The following JMJD1C variants were observed in gnomAD, a reference collection of about 807,000 sequenced individuals.
The protein encoded by JMJD1C is jumonji domain containing 1C.
JMJD1C carries 31 observed loss-of-function variants against 245.3 expected under a neutral mutation model. That is an observed-to-expected ratio of 0.13 (90% CI 0.09 to 0.17). JMJD1C has a LOEUF of 0.17. Ranked by LOEUF, JMJD1C falls within the 10% of genes least tolerant of loss-of-function variation. The pLI is 1.00. For missense variants in JMJD1C, 2,691 were observed against 3,000.2 expected (o/e 0.90, Z 2.41); for synonymous variants, 1,057 against 1,017.4 (o/e 1.04, Z -0.74).
chr10:63,428,071 A>G, intron 1 of JMJD1C: 1 of 539,474 alleles, frequency 1.9e-6, no homozygotes, highest in Non-Finnish European at 3.3e-6. Context: ...ACACACATAT[A>G]TATATATTAA....
chr10:63,498,558 G>A (rs746144278), intron 1 of JMJD1C, among the ~76,000 whole-genome samples: 2 of 151,926 alleles, frequency 1.3e-5, no homozygotes, highest in Non-Finnish European at 2.9e-5. Flanking sequence ...ATATAGCAAG[G>A]CCCTCAGGAG....
At chr10:63,315,008 C>T (rs1939775481) in intron 2 of JMJD1C, among the ~76,000 whole-genome samples, 1 of 143,326 alleles carries the variant, frequency 7.0e-6, no homozygotes, top group African/African-American at 2.6e-5. Flanking sequence ...GGCTGGAGTG[C>T]AGCAGCACGA....
intron 2 of JMJD1C, among the ~76,000 whole-genome samples, chr10:63,377,684 G>A (rs1180471034): frequency 1.3e-5 from 2 of 151,946 alleles, no homozygotes; most frequent in East Asian, 1.9e-4. Flanking sequence ...GCAGTGAGAC[G>A]AGATTGCACC....
chr10:63,275,260 G>A (rs1316199600), intron 2 of JMJD1C, among the ~76,000 whole-genome samples: 1 of 152,124 alleles, frequency 6.6e-6, no homozygotes, highest in African/African-American at 2.4e-5. Context: ...TTATTTTCAT[G>A]CTGGTTGGCA....
chr10:63,507,656 A>AAAAAAAAAAAAAAAAAAAAAAC (rs1954762909), intron 1 of JMJD1C, among the ~76,000 whole-genome samples: 1 of 150,240 alleles, frequency 6.7e-6, no homozygotes, highest in African/African-American at 2.5e-5. Context: ...AAAAAAAAAA[A>AAAAAAAAAAAAAAAAAAAAAAC]AAAAAAACAG....
chr10:63,182,263 G>C (rs1022316953), intron 22 of JMJD1C, among the ~76,000 whole-genome samples: 1 of 152,166 alleles, frequency 6.6e-6, no homozygotes, highest in Admixed American at 6.5e-5. Context: ...AACTCCATAA[G>C]GTGTCAGAAT....
At chr10:63,443,005 A>G (rs1190199882) in intron 1 of JMJD1C, among the ~76,000 whole-genome samples, 5 of 152,200 alleles carry the variant, frequency 3.3e-5, no homozygotes, top group African/African-American at 1.2e-4. Context: ...CCATTACTTC[A>G]TACACCAGTC....
chr10:63,422,919 C>T (rs1259394148), intron 1 of JMJD1C, among the ~76,000 whole-genome samples: 1 of 151,502 alleles, frequency 6.6e-6, no homozygotes, highest in Non-Finnish European at 1.5e-5. Flanking sequence ...ACTAAAATAA[C>T]TTCACACCCT....
chr10:63,373,578 CTAGA>C (rs1589611070), intron 2 of JMJD1C, among the ~76,000 whole-genome samples: 1 of 151,922 alleles, frequency 6.6e-6, no homozygotes, highest in East Asian at 1.9e-4. Flanking sequence ...AGTGAAACAA[CTAGA>C]AAGAAGATAA....
chr10:63,216,265 A>C (rs1208528303), intron 5 of JMJD1C, among the ~76,000 whole-genome samples: 2 of 152,222 alleles, frequency 1.3e-5, no homozygotes, highest in Non-Finnish European at 2.9e-5. Context: ...TTGTGTATAA[A>C]GGCGCTCTAT....
At chr10:63,280,599 A>AAT (rs1319632988) in intron 2 of JMJD1C, among the ~76,000 whole-genome samples, 1 of 152,142 alleles carries the variant, frequency 6.6e-6, no homozygotes, top group Non-Finnish European at 1.5e-5. Context: ...CACTATAAGG[A>AAT]ATATATTTCT....
chr10:63,390,186 G>A (rs965461227), intron 1 of JMJD1C, among the ~76,000 whole-genome samples: 1 of 151,744 alleles, frequency 6.6e-6, no homozygotes, highest in African/African-American at 2.4e-5. Context: ...AATCAGAAAC[G>A]AAAAAAGAGA....
intron 1 of JMJD1C, among the ~76,000 whole-genome samples, chr10:63,484,236 GGATAGATAGATAGATA>G (rs142291507): frequency 0.43 from 39,171 of 91,962 alleles, 5,782 homozygotes; most frequent in East Asian, 0.6. Flanking sequence ...ATGGATGGAT[GGATAGATAGATAGATA>G]GATAGATAGA....
intron 2 of JMJD1C, among the ~76,000 whole-genome samples, chr10:63,271,999 G>A (rs1309870726): frequency 6.6e-6 from 1 of 150,900 alleles, no homozygotes; most frequent in Non-Finnish European, 1.5e-5. Flanking sequence ...TTTGAACCTG[G>A]GAGATGGAGG....
intron 24 of JMJD1C, among the ~76,000 whole-genome samples, chr10:63,174,848 AC>A (rs1368055102): frequency 6.6e-6 from 1 of 151,890 alleles, no homozygotes; most frequent in Non-Finnish European, 1.5e-5. Flanking sequence ...AAAACAAAAA[AC>A]AAAAAACAAA....
intron 2 of JMJD1C, among the ~76,000 whole-genome samples, chr10:63,348,580 A>T (rs935556084): frequency 5.9e-5 from 9 of 152,284 alleles, no homozygotes; most frequent in African/African-American, 1.9e-4. Context: ...AATGGAGATA[A>T]TAAGGATGTT....
intron 10 of JMJD1C, chr10:63,203,896 A>C (rs1165136043): frequency 1.0e-6 from 1 of 979,312 alleles, no homozygotes. Flanking sequence ...CAATTCTACT[A>C]AACAATAGAA....
Position 63,327,640 on chromosome 10 carries a change from T to A in JMJD1C, c.333+52678A>T, listed in dbSNP as rs114361269. Among the ~76,000 whole-genome samples the A allele has an allele frequency of 7.2e-3, 1,096 of 152,070 alleles. 18 individuals are homozygous for A. The highest frequency in any genetic ancestry group is 0.025 in the African/African-American group (1,039 of 41,500). ...ATGCACTTTCAACTAAATTGCTTTT[T>A]AAGGATACTGTATCAAGGGTACACA... On this transcript the variant is annotated intron_variant, in intron 2 of 25. Transcript: ENST00000399262.
At position 63,343,823 on chromosome 10, in the gene JMJD1C, A is replaced by G. The variant is rs550500405; in HGVS notation, c.333+36495T>C. ...GAGGCTGAGGTGGGTAGATCACTGGAGCTCAGCAGTTCAAGACCGGCCTGG... is the reference window on the plus strand; with the variant it reads ...GAGGCTGAGGTGGGTAGATCACTGGGGCTCAGCAGTTCAAGACCGGCCTGG... On this transcript the variant is annotated intron_variant, in intron 2 of 25. Coordinates refer to ENST00000399262, the MANE Select transcript of JMJD1C (RefSeq NM_032776.3). 3.3e-5 allele frequency among the ~76,000 whole-genome samples: 5 copies of G among 152,126 alleles called. No individual in the cohort carries two copies. The South Asian group carries it at 1.0e-3, about 32-fold the overall frequency.
Sources: gnomAD v4.1 joint callset for allele counts (sites outside exome capture counted in the v4.1 genomes callset) on GRCh38, gnomAD v4.1.1 for gene constraint, MANE v1.5 for transcripts, NCBI Gene and HGNC (gene_info 2026-07-23, HGNC 2026-07-21) for gene names.